The following ABCC5 variants were observed in gnomAD, a reference collection of about 807,000 sequenced individuals.
The protein encoded by ABCC5 is ATP binding cassette subfamily C member 5, also known as ATP-binding cassette sub-family C member 5.
ABCC5 carries 61 observed loss-of-function variants against 160.9 expected under a neutral mutation model. The observed-to-expected ratio is 0.38, with a 90% confidence interval of 0.31 to 0.47. ABCC5 has a LOEUF of 0.47. Ranked by LOEUF, ABCC5 falls within the 20% of genes least tolerant of loss-of-function variation. The probability of loss-of-function intolerance (pLI) is 0.99; values close to 1 mark genes in which losing one functional copy is unlikely to be tolerated. For missense variants in ABCC5, 1,308 were observed against 1,813.3 expected (o/e 0.72, Z 5.06); for synonymous variants, 666 against 700.6 (o/e 0.95, Z 0.78).
intron 25 of ABCC5, among the ~76,000 whole-genome samples, chr3:183,940,524 C>T (rs913903273): frequency 2.7e-5 from 4 of 145,614 alleles, no homozygotes; most frequent in African/African-American, 1.0e-4. Flanking sequence ...GACTCAGTTA[C>T]TGGCCCCTTT....
Position 184,017,601 on chromosome 3 carries a change from C to T in ABCC5, c.-56+229G>A, listed in dbSNP as rs1017140748. ...TCCCTGCCCGCTCATCCCGATCCTA[C>T]CTGCCTGTCTTCCAGCACACGACCC... On this transcript the variant is annotated intron_variant, in intron 1 of 29. Coordinates refer to ENST00000334444, the MANE Select transcript of ABCC5 (RefSeq NM_005688.4). The surrounding 1 kb of genome is among the most constrained non-coding windows in gnomAD (Gnocchi z 4.5). 2.0e-5 allele frequency among the ~76,000 whole-genome samples: 3 copies of T among 152,160 alleles called. No individual in the cohort carries two copies. Among genetic ancestry groups the T allele is most frequent in the African/African-American group, 7.2e-5 (3 of 41,536 alleles).
intron 26 of ABCC5, among the ~76,000 whole-genome samples, chr3:183,935,043 G>A (rs1713555215): frequency 6.6e-6 from 1 of 151,212 alleles, no homozygotes; most frequent in Non-Finnish European, 1.5e-5. Context: ...TTTTTTCAAG[G>A]TGTTCCTGTG....
intron 12 of ABCC5, 91 bp downstream of exon 12, chr3:183,967,604 T>C: frequency 1.7e-6 from 2 of 1,153,306 alleles, no homozygotes. Context: ...TGTTTCCACC[T>C]TTCCTGACTC....
At chr3:184,002,632 C>A (rs1157683014) in intron 2 of ABCC5, among the ~76,000 whole-genome samples, 1 of 152,228 alleles carries the variant, frequency 6.6e-6, no homozygotes. Context: ...CCCATGGCCA[C>A]CACTTCTCCA....
intron 2 of ABCC5, among the ~76,000 whole-genome samples, chr3:184,008,974 A>C (rs926557471): frequency 1.3e-5 from 2 of 152,154 alleles, no homozygotes; most frequent in African/African-American, 4.8e-5. Context: ...CTCCCACCTC[A>C]GCCTCCCAAG....
At chr3:184,005,093 C>A (rs1721072093) in intron 2 of ABCC5, among the ~76,000 whole-genome samples, 1 of 152,130 alleles carries the variant, frequency 6.6e-6, no homozygotes, top group East Asian at 1.9e-4. Context: ...AAAGAGGAGC[C>A]AAGTGCTGTA....
chr3:184,013,914 C>G (rs1721969770), intron 2 of ABCC5, among the ~76,000 whole-genome samples: 1 of 152,148 alleles, frequency 6.6e-6, no homozygotes, highest in Non-Finnish European at 1.5e-5. Flanking sequence ...GCTCTATCGC[C>G]CAGGCTGGAG....
Position 183,978,535 on chromosome 3 carries a change from T to C in ABCC5, c.1264A>G (p.Met422Val). The change falls in exon 9 of 30, where the codon ATG becomes GTG. Residue 422 changes from methionine (M) to valine (V), a missense_variant. Coordinates refer to ENST00000334444, the MANE Select transcript of ABCC5 (RefSeq NM_005688.4). ...GCTGTCAGATCGAAGCCCAGGGTCATATGAACAGAGAAGGTCACCACGCTG... is the reference window on the plus strand; with the variant it reads ...GCTGTCAGATCGAAGCCCAGGGTCACATGAACAGAGAAGGTCACCACGCTG... Reference protein sequence around the residue: ...IASVVTFSVHMTLGFDLTAAQ... With the variant: ...IASVVTFSVHVTLGFDLTAAQ... 1.2e-6 allele frequency: 2 copies of C among 1,614,108 alleles called. No homozygotes were observed. Among genetic ancestry groups the C allele is most frequent in the Non-Finnish European group, 1.7e-6 (2 of 1,180,020 alleles).
Position 183,927,395 on chromosome 3 carries a change from C to T in ABCC5, c.3982G>A (p.Asp1328Asn), listed in dbSNP as rs756477346. 5 of 1,613,832 alleles carry T rather than the reference C, an allele frequency of 3.1e-6. No homozygotes were observed. Among genetic ancestry groups the T allele is most frequent in the South Asian group, 1.1e-5 (1 of 90,974 alleles). The change falls in exon 28 of 30, where the codon GAT becomes AAT. Residue 1328 changes from aspartate (D) to asparagine (N), a missense_variant. Around this residue, in one of 3 missense-constraint regions of ABCC5, gnomAD observed 163 missense variants for 269.7 expected, o/e 0.60. Transcript: ENST00000334444. ...TGCCGTTCCCCCACTGAGAAGTTAT[C>T]CCCATTCTCCATCACTTCAGATTCA... ...KLESEVMENG[D>N]NFSVGERQLL...
chr3:183,979,879 C>T (rs1360129585), intron 8 of ABCC5, among the ~76,000 whole-genome samples: 2 of 144,020 alleles, frequency 1.4e-5, no homozygotes, highest in African/African-American at 5.1e-5. Context: ...CCGGCCAATA[C>T]TTTTTTTTTT....
intron 8 of ABCC5, among the ~76,000 whole-genome samples, chr3:183,979,030 CACTGGAGAATTAAAA>C (rs1458856049): frequency 4.6e-5 from 7 of 152,076 alleles, no homozygotes; most frequent in Admixed American, 1.3e-4. Context: ...AACACAATGG[CACTGGAGAATTAAAA>C]AGGGAGGGAC....
chr3:184,000,308 A>C (rs1490536755), intron 2 of ABCC5, among the ~76,000 whole-genome samples: 1 of 152,152 alleles, frequency 6.6e-6, no homozygotes. Flanking sequence ...ATGCCACTGC[A>C]CTCCAGCCTG....
At chr3:183,997,062 C>T (rs189546679) in intron 2 of ABCC5, among the ~76,000 whole-genome samples, 39 of 152,206 alleles carry the variant, frequency 2.6e-4, no homozygotes, top group African/African-American at 7.9e-4. Flanking sequence ...CAATAAGCAA[C>T]AGATATTCAG....
chr3:183,957,617 CA>C, intron 17 of ABCC5, among the ~76,000 whole-genome samples: 1 of 151,798 alleles, frequency 6.6e-6, no homozygotes, highest in East Asian at 1.9e-4. Context: ...CGGTTACATG[CA>C]GATCCATGTG....
intron 26 of ABCC5, among the ~76,000 whole-genome samples, chr3:183,930,090 T>G (rs953244824): frequency 3.9e-5 from 6 of 152,218 alleles, no homozygotes; most frequent in African/African-American, 1.4e-4. Context: ...AAAAGTATAT[T>G]TGCTTTGCTC....
chr3:183,965,427 A>G lies in ABCC5; in HGVS notation c.1908T>C (p.Asn636=). The G allele has an allele frequency of 6.2e-7, 1 of 1,613,912 alleles. No individual in the cohort carries two copies. The highest frequency in any genetic ancestry group is 8.5e-7 in the Non-Finnish European group (1 of 1,180,020). ...ACAGGATGTTGTCTCTCAGAGTAGCATTGAGGATCCAGGCCTGCTGGGCCA... is the reference window on the plus strand; with the variant it reads ...ACAGGATGTTGTCTCTCAGAGTAGCGTTGAGGATCCAGGCCTGCTGGGCCA... ...AYVAQQAWIL[N]ATLRDNILFG... The change falls in exon 13 of 30, where the codon AAT becomes AAC. Residue 636 remains asparagine (N), a synonymous_variant. Coordinates refer to ENST00000334444, the MANE Select transcript of ABCC5 (RefSeq NM_005688.4).
intron 18 of ABCC5, 81 bp from the exon 19 acceptor site, chr3:183,952,084 G>T: frequency 1.3e-6 from 2 of 1,492,008 alleles, no homozygotes; most frequent in African/African-American, 2.7e-5. Context: ...TCAGCTCAAG[G>T]GCAGGGCAGG....
intron 18 of ABCC5, 144 bp from the exon 19 acceptor site, chr3:183,952,147 T>A: frequency 3.2e-5 from 7 of 218,956 alleles, no homozygotes; most frequent in Non-Finnish European, 5.1e-5. Flanking sequence ...TCCACCTCTT[T>A]TTTTTTTTTT....
intron 24 of ABCC5, among the ~76,000 whole-genome samples, chr3:183,944,998 G>A (rs889779563): frequency 2.0e-5 from 3 of 152,144 alleles, no homozygotes; most frequent in Non-Finnish European, 4.4e-5. Context: ...AGGAGATCTG[G>A]TTGTTTGAAA....
Sources: allele counts gnomAD v4.1 joint callset (sites outside exome capture counted in the v4.1 genomes callset), GRCh38; gene constraint gnomAD v4.1.1; regional missense constraint gnomAD v4.1.1; non-coding constraint Gnocchi (gnomAD v3.1); transcripts MANE v1.5; gene names NCBI Gene and HGNC (gene_info 2026-07-23, HGNC 2026-07-21).